The following DNAJC1 variants were observed in gnomAD, a reference collection of about 807,000 sequenced individuals.
DNAJC1 encodes the protein dnaJ homolog subfamily C member 1.
DNAJC1 carries 58 observed loss-of-function variants against 76.6 expected under a neutral mutation model. The observed-to-expected ratio is 0.76, with a 90% CI of 0.61 to 0.94. DNAJC1 has a LOEUF of 0.94. Ranked by LOEUF, DNAJC1 falls within the 40% of genes least tolerant of loss-of-function variation. The probability of loss-of-function intolerance (pLI) is 0.00; values close to 1 mark genes in which losing one functional copy is unlikely to be tolerated. For missense variants in DNAJC1, 689 were observed against 677.3 expected (o/e 1.02, Z -0.19); for synonymous variants, 258 against 267.9 (o/e 0.96, Z 0.36).
chr10:21,852,419 A>C (rs1238458994), intron 8 of DNAJC1, among the ~76,000 whole-genome samples: 1 of 152,148 alleles, frequency 6.6e-6, no homozygotes, highest in South Asian at 2.1e-4. Flanking sequence ...CAACACTGTG[A>C]ATGTCCTAAA....
intron 7 of DNAJC1, among the ~76,000 whole-genome samples, chr10:21,884,918 A>G (rs1177137456): frequency 6.6e-6 from 1 of 152,174 alleles, no homozygotes; most frequent in Non-Finnish European, 1.5e-5. Context: ...GCTAATACAA[A>G]AATACACAGA....
At chr10:21,915,397 C>A (rs1836936074) in intron 6 of DNAJC1, among the ~76,000 whole-genome samples, 1 of 152,184 alleles carries the variant, frequency 6.6e-6, no homozygotes, top group Non-Finnish European at 1.5e-5. Context: ...AACTGAAGAA[C>A]TATTGCTATG....
At chr10:21,837,310 T>A (rs1474109567) in intron 8 of DNAJC1, among the ~76,000 whole-genome samples, 6 of 152,190 alleles carry the variant, frequency 3.9e-5, no homozygotes, top group African/African-American at 1.4e-4. Context: ...GTGCTGAGAT[T>A]GCAGCCTCTG....
At chr10:21,987,765 A>G (rs920719985) in intron 1 of DNAJC1, among the ~76,000 whole-genome samples, 2 of 152,122 alleles carry the variant, frequency 1.3e-5, no homozygotes, top group African/African-American at 4.8e-5. Context: ...TCTTCTTTCC[A>G]AAGTAATATA....
At chr10:21,915,596 T>A (rs1481070611) in intron 6 of DNAJC1, among the ~76,000 whole-genome samples, 1 of 152,198 alleles carries the variant, frequency 6.6e-6, no homozygotes, top group Non-Finnish European at 1.5e-5. Flanking sequence ...CTCTTTTAAC[T>A]TACATGTGCT....
chr10:21,978,533 T>C (rs1398463509), intron 1 of DNAJC1, among the ~76,000 whole-genome samples: 1 of 152,122 alleles, frequency 6.6e-6, no homozygotes, highest in African/African-American at 2.4e-5. Context: ...ACAGACAACA[T>C]GTGGCAGTCT....
chr10:21,839,726 A>C (rs539844083), intron 8 of DNAJC1, among the ~76,000 whole-genome samples: 1 of 152,178 alleles, frequency 6.6e-6, no homozygotes, highest in Non-Finnish European at 1.5e-5. Flanking sequence ...ATAGAAAAAG[A>C]GGGAATCCTC....
intron 9 of DNAJC1, among the ~76,000 whole-genome samples, chr10:21,802,027 G>A (rs1189230177): frequency 2.0e-5 from 3 of 152,086 alleles, no homozygotes; most frequent in Admixed American, 6.6e-5. Context: ...ATAACTATTG[G>A]GTAGTAGGCT....
chr10:21,926,987 A>G (rs1339831688), intron 3 of DNAJC1, among the ~76,000 whole-genome samples: 1 of 152,214 alleles, frequency 6.6e-6, no homozygotes, highest in Non-Finnish European at 1.5e-5. Context: ...AACAAAAAGA[A>G]AAAAACCTCA....
chr10:21,843,593 C>G (rs896748361), intron 8 of DNAJC1, among the ~76,000 whole-genome samples: 1 of 151,990 alleles, frequency 6.6e-6, no homozygotes, highest in East Asian at 1.9e-4. Context: ...CCAGGTTTTA[C>G]CGTGTTAGCC....
intron 6 of DNAJC1, among the ~76,000 whole-genome samples, chr10:21,906,360 C>T (rs556828852): frequency 6.6e-6 from 1 of 151,558 alleles, no homozygotes; most frequent in African/African-American, 2.4e-5. Context: ...TCCCCACCCC[C>T]CTTAAAAAAA....
chr10:21,778,126 T>A (rs1027334725), intron 9 of DNAJC1, among the ~76,000 whole-genome samples: 4 of 152,048 alleles, frequency 2.6e-5, no homozygotes, highest in African/African-American at 9.7e-5. Flanking sequence ...GAGGCAGAGG[T>A]TGCAGTGAGC....
chr10:21,841,248 A>T (rs1211603317), intron 8 of DNAJC1, among the ~76,000 whole-genome samples: 1 of 152,216 alleles, frequency 6.6e-6, no homozygotes, highest in Non-Finnish European at 1.5e-5. Flanking sequence ...GGCAAAATTG[A>T]CAAATGGATC....
chr10:21,937,606 CA>C (rs1374238633), intron 1 of DNAJC1, among the ~76,000 whole-genome samples: 1 of 151,952 alleles, frequency 6.6e-6, no homozygotes, highest in Non-Finnish European at 1.5e-5. Flanking sequence ...CAGTATAAAC[CA>C]ACTAGACACA....
intron 8 of DNAJC1, among the ~76,000 whole-genome samples, chr10:21,822,472 A>C (rs1835176598): frequency 6.6e-6 from 1 of 150,984 alleles, no homozygotes; most frequent in Non-Finnish European, 1.5e-5. Flanking sequence ...TGAATAATAA[A>C]ATAAATAAAT....
At chr10:21,864,142 T>C (rs916588819) in intron 8 of DNAJC1, among the ~76,000 whole-genome samples, 1 of 151,946 alleles carries the variant, frequency 6.6e-6, no homozygotes, top group Non-Finnish European at 1.5e-5. Context: ...GCAGGATCAT[T>C]TGAGCCAGGA....
At chr10:21,968,915 T>C (rs1837931920) in intron 1 of DNAJC1, among the ~76,000 whole-genome samples, 1 of 151,986 alleles carries the variant, frequency 6.6e-6, no homozygotes, top group African/African-American at 2.4e-5. Context: ...ACCTGTAGTA[T>C]TTGAGTTGGA....
chr10:21,768,853 T>A (rs1385733485), intron 9 of DNAJC1, among the ~76,000 whole-genome samples: 1 of 152,212 alleles, frequency 6.6e-6, no homozygotes, highest in Admixed American at 6.5e-5. Context: ...AGGCTAAATC[T>A]GCCCCTTGAA....
intron 10 of DNAJC1, among the ~76,000 whole-genome samples, chr10:21,764,995 C>G (rs778564071): frequency 6.6e-6 from 1 of 152,126 alleles, no homozygotes; most frequent in Admixed American, 6.5e-5. Context: ...CTTCTGACCC[C>G]CCTCCACCAA....
Sources: allele counts gnomAD v4.1 joint callset (sites outside exome capture counted in the v4.1 genomes callset), GRCh38; gene constraint gnomAD v4.1.1; transcripts MANE v1.5; gene names NCBI Gene and HGNC (gene_info 2026-07-23, HGNC 2026-07-21).